Variants in BNC2 observed in about 807,000 individuals in gnomAD.
The protein encoded by BNC2 is zinc finger protein basonuclin-2.
In BNC2, 20 loss-of-function variants were observed where a neutral mutation model predicts 76.3. The observed-to-expected ratio is 0.26, with a 90% CI of 0.18 to 0.38. BNC2 has a LOEUF of 0.38. Among genes scored for constraint, BNC2 ranks in the 10% least tolerant of loss-of-function variants. BNC2 has a pLI of 1.00. For missense variants in BNC2, 1,382 were observed against 1,399.8 expected (o/e 0.99, Z 0.20); for synonymous variants, 582 against 514.8 (o/e 1.13, Z -1.77).
chr9:16,725,487 G>C (rs1484096493), intron 3 of BNC2, among the ~76,000 whole-genome samples: 1 of 151,752 alleles, frequency 6.6e-6, no homozygotes, highest in South Asian at 2.1e-4. Context: ...GGGTTGGGGG[G>C]ATAGGAGTGA....
At chr9:16,465,469 G>C (rs12000878) in intron 5 of BNC2, among the ~76,000 whole-genome samples, 44,496 of 146,060 alleles carry the variant, frequency 0.3, 6,970 homozygotes, top group East Asian at 0.43. Context: ...ATAACCGGTA[G>C]GGCCAGGCAA....
intron 1 of BNC2, among the ~76,000 whole-genome samples, chr9:16,838,816 C>T (rs1037959800): frequency 2.6e-5 from 4 of 152,116 alleles, no homozygotes; most frequent in Non-Finnish European, 5.9e-5. Context: ...GTATGCGTGG[C>T]TTATGCTAGG....
chr9:16,727,915 C>T lies in BNC2; in HGVS notation c.212G>A (p.Arg71Lys). Residue 71 changes from arginine to lysine, a missense_variant, in exon 3 of 7, where the codon AGA (arginine) becomes AAA (lysine). By Grantham distance (26) the Arg-to-Lys change is conservative. Around this residue, in one of 3 missense-constraint regions of BNC2, gnomAD observed 557 missense variants for 540.9 expected, o/e 1.03. Coordinates refer to ENST00000380672, the MANE Select transcript of BNC2 (RefSeq NM_017637.6). The stretch of plus-strand genomic sequence containing the variant: ...CATGGAGTTGTCAGTACAGGAGTCT[C>T]TTAAAGTCAAGTCTCTTGCCCTCTT... Reference protein sequence around the residue: ...EPKRARDLTLRDSCTDNSMQF... With the variant: ...EPKRARDLTLKDSCTDNSMQF... 1.2e-6 allele frequency: 2 copies of T among 1,614,160 alleles called. No individual in the cohort carries two copies. Among genetic ancestry groups the T allele is most frequent in the South Asian group, 2.2e-5 (2 of 91,078 alleles).
chr9:16,728,284 T>C (rs1163824258), intron 2 of BNC2: 4 of 490,458 alleles, frequency 8.2e-6, no homozygotes, highest in Admixed American at 6.4e-5. Context: ...CTGCATGTCA[T>C]TGGATAGCAG....
chr9:16,582,168 T>C (rs1036540656), intron 4 of BNC2, among the ~76,000 whole-genome samples: 11 of 152,138 alleles, frequency 7.2e-5, no homozygotes, highest in African/African-American at 2.7e-4. Flanking sequence ...CAGGATTTCT[T>C]TTTATAAACA....
intron 3 of BNC2, among the ~76,000 whole-genome samples, chr9:16,674,665 G>T (rs919210253): frequency 3.9e-5 from 6 of 152,076 alleles, no homozygotes; most frequent in African/African-American, 1.4e-4. Context: ...ATCTGTTTTT[G>T]ATTATAAACT....
At chr9:16,532,794 G>A (rs972851980) in intron 5 of BNC2, among the ~76,000 whole-genome samples, 2 of 152,104 alleles carry the variant, frequency 1.3e-5, no homozygotes, top group Non-Finnish European at 2.9e-5. Context: ...TGGTATGGTG[G>A]AAATACCATA....
intron 1 of BNC2, among the ~76,000 whole-genome samples, chr9:16,864,611 C>T (rs774016375): frequency 6.6e-6 from 1 of 152,150 alleles, no homozygotes; most frequent in Non-Finnish European, 1.5e-5. Context: ...TTACTGCCAG[C>T]GTCGGCCTAT....
At chr9:16,521,648 T>C (rs184013211) in intron 5 of BNC2, among the ~76,000 whole-genome samples, 4 of 152,308 alleles carry the variant, frequency 2.6e-5, no homozygotes, top group African/African-American at 9.6e-5. Context: ...TTTTTTGACA[T>C]GTATTTTACG....
chr9:16,413,808 T>C lies in BNC2; in HGVS notation c.*5181A>G, dbSNP rs116248780. The stretch of plus-strand genomic sequence containing the variant: ...GAAGAGAAGTTACTTACATACCTCA[T>C]AGAACAGTAAATGAGCTCCCATTTT... On this transcript the variant is annotated 3_prime_UTR_variant, in exon 7 of 7. Transcript: ENST00000380672. 6.6e-6 allele frequency: 1 copy of C among 152,194 alleles called. No homozygotes were observed. Among genetic ancestry groups the C allele is most frequent in the Non-Finnish European group, 1.5e-5 (1 of 68,042 alleles). The allele number at this position is 152,194 out of a possible 1,614,324, so 9.4% of individuals were successfully genotyped here.
intron 3 of BNC2, among the ~76,000 whole-genome samples, chr9:16,687,921 G>A (rs928956850): frequency 2.6e-5 from 4 of 152,106 alleles, no homozygotes; most frequent in Non-Finnish European, 5.9e-5. Context: ...GAGTAAGTTG[G>A]GAGGAAATGG....
At chr9:16,850,069 T>A (rs1819090733) in intron 1 of BNC2, among the ~76,000 whole-genome samples, 1 of 152,198 alleles carries the variant, frequency 6.6e-6, no homozygotes, top group South Asian at 2.1e-4. Flanking sequence ...ACCTCTCTAA[T>A]TTCTTATCTA....
rs1299054058 is a variant in BNC2 at position 16,559,957 on chromosome 9, G to A, written c.434-7192C>T. ...ACAAAGTACTGTGGGACACAGAAGA[G>A]AGGGCAATGCTGCCGGGAATGCAGT... On this transcript the variant is annotated intron_variant, in intron 4 of 6. Coordinates refer to ENST00000380672, the MANE Select transcript of BNC2 (RefSeq NM_017637.6). Among the ~76,000 whole-genome samples, 5 of 152,246 alleles carry A rather than the reference G, an allele frequency of 3.3e-5. No homozygotes were observed. The South Asian group carries it at 1.0e-3, about 32-fold the overall frequency.
rs147478004 is a variant in BNC2 at position 16,812,858 on chromosome 9, G to A, written c.3+57788C>T. Among the ~76,000 whole-genome samples the A allele has an allele frequency of 2.0e-4, 30 of 152,260 alleles. 1 individual carries two copies. Among genetic ancestry groups the A allele is most frequent in the African/African-American group, 7.0e-4 (29 of 41,550 alleles). ...ACAATACTAACAAAACACACACTTAGTAGTATATTTTAGTGTCTCTGGTTA... is the reference window on the plus strand; with the variant it reads ...ACAATACTAACAAAACACACACTTAATAGTATATTTTAGTGTCTCTGGTTA... On this transcript the variant is annotated intron_variant, in intron 1 of 6. Transcript: ENST00000380672.
At chr9:16,668,116 G>GT (rs1822355872) in intron 3 of BNC2, among the ~76,000 whole-genome samples, 1 of 152,190 alleles carries the variant, frequency 6.6e-6, no homozygotes, top group South Asian at 2.1e-4. Flanking sequence ...AAGCTCCCAT[G>GT]GAAAGACCAG....
chr9:16,785,866 G>C (rs1326497271), intron 1 of BNC2, among the ~76,000 whole-genome samples: 1 of 151,886 alleles, frequency 6.6e-6, no homozygotes, highest in African/African-American at 2.4e-5. Context: ...GAAACAAATG[G>C]CAATGTGAAC....
At chr9:16,784,705 G>A (rs547048971) in intron 1 of BNC2, among the ~76,000 whole-genome samples, 1 of 152,278 alleles carries the variant, frequency 6.6e-6, no homozygotes, top group South Asian at 2.1e-4. Flanking sequence ...CCTAGAGAAA[G>A]TCTAAAGTTA....
intron 1 of BNC2, among the ~76,000 whole-genome samples, chr9:16,768,315 C>T (rs943407944): frequency 2.0e-5 from 3 of 151,932 alleles, no homozygotes; most frequent in African/African-American, 7.3e-5. Flanking sequence ...CAAGTAGTGG[C>T]AGTGAAGGTA....
intron 1 of BNC2, among the ~76,000 whole-genome samples, chr9:16,752,538 C>T (rs1211428245): frequency 7.2e-5 from 11 of 152,154 alleles, no homozygotes; most frequent in Non-Finnish European, 5.9e-5. Flanking sequence ...AAAATTCTTA[C>T]GCAGTCTTAG....
Sources: allele counts gnomAD v4.1 joint callset (sites outside exome capture counted in the v4.1 genomes callset), GRCh38; gene constraint gnomAD v4.1.1; regional missense constraint gnomAD v4.1.1; transcripts MANE v1.5; gene names NCBI Gene and HGNC (gene_info 2026-07-23, HGNC 2026-07-21).